ADAMTS17: variants seen among roughly 807,000 people sequenced by gnomAD.
ADAMTS17 encodes ADAM metallopeptidase with thrombospondin type 1 motif 17.
In ADAMTS17, 113 loss-of-function variants were observed where a neutral mutation model predicts 141.5. The observed-to-expected ratio is 0.80, with a 90% CI of 0.69 to 0.93. The LOEUF (loss-of-function observed/expected upper bound fraction) is 0.93. Among genes scored for constraint, ADAMTS17 ranks in the 40% least tolerant of loss-of-function variants. The probability of loss-of-function intolerance (pLI) is 0.00; values close to 1 mark genes in which losing one functional copy is unlikely to be tolerated. For synonymous variants in ADAMTS17, 768 were observed against 630.6 expected, an observed-to-expected ratio of 1.22 and a Z score of -3.27; for missense variants, 1,659 against 1,517.9, an observed-to-expected ratio of 1.09 and a Z score of -1.54.
At chr15:100,299,325 G>A (rs1026053891) in intron 3 of ADAMTS17, among the ~76,000 whole-genome samples, 3 of 151,490 alleles carry the variant, frequency 2.0e-5, no homozygotes, top group South Asian at 2.1e-4. Flanking sequence ...CAGGACAGTC[G>A]GGGGACTCGC....
chr15:100,141,850 C>T (rs2038670867), intron 10 of ADAMTS17, among the ~76,000 whole-genome samples: 1 of 152,232 alleles, frequency 6.6e-6, no homozygotes, highest in Non-Finnish European at 1.5e-5. Flanking sequence ...GCTGCAGATG[C>T]TGGGCAGGAA....
intron 3 of ADAMTS17, among the ~76,000 whole-genome samples, chr15:100,318,113 C>G (rs1253686600): frequency 6.6e-6 from 1 of 152,132 alleles, no homozygotes; most frequent in East Asian, 1.9e-4. Context: ...AGTGCATGAT[C>G]TGACTTTCAG....
chr15:100,003,365 C>T (rs575127841), intron 18 of ADAMTS17, among the ~76,000 whole-genome samples: 2 of 152,152 alleles, frequency 1.3e-5, no homozygotes, highest in East Asian at 1.9e-4. Flanking sequence ...GAGGTGAACA[C>T]GGGGCTGTGG....
intron 18 of ADAMTS17, among the ~76,000 whole-genome samples, chr15:100,011,285 GTAAA>G (rs2061164213): frequency 7.4e-6 from 1 of 135,374 alleles, no homozygotes; most frequent in Non-Finnish European, 1.6e-5. Context: ...AGGGAGGGAA[GTAAA>G]GGAGGAGGGA....
At chr15:99,983,726 CA>C (rs1043701133) in intron 20 of ADAMTS17, among the ~76,000 whole-genome samples, 5 of 152,262 alleles carry the variant, frequency 3.3e-5, no homozygotes, top group African/African-American at 9.6e-5. Context: ...GGGGTGAAAT[CA>C]TGCAAGGCTG....
At chr15:100,166,460 C>A (rs1167539143) in intron 8 of ADAMTS17, among the ~76,000 whole-genome samples, 1 of 152,180 alleles carries the variant, frequency 6.6e-6, no homozygotes, top group Non-Finnish European at 1.5e-5. Flanking sequence ...TTGCCCTGTT[C>A]CCATATCGAC....
chr15:100,321,315 G>T (rs2045726915), intron 3 of ADAMTS17, among the ~76,000 whole-genome samples: 1 of 151,994 alleles, frequency 6.6e-6, no homozygotes, highest in African/African-American at 2.4e-5. Flanking sequence ...CAAAGAAAAA[G>T]CATGGTATAG....
chr15:100,093,232 G>A (rs1288670004), intron 15 of ADAMTS17, among the ~76,000 whole-genome samples: 1 of 152,152 alleles, frequency 6.6e-6, no homozygotes, highest in East Asian at 1.9e-4. Flanking sequence ...GGCTCTGCTG[G>A]GCTGGACACT....
intron 8 of ADAMTS17, among the ~76,000 whole-genome samples, chr15:100,187,165 C>T (rs1261319899): frequency 1.3e-5 from 2 of 152,156 alleles, no homozygotes; most frequent in African/African-American, 4.8e-5. Context: ...TAAGGTGAGA[C>T]TTGCTGGGCC....
chr15:99,983,189 C>T (rs1431093848), intron 20 of ADAMTS17, among the ~76,000 whole-genome samples: 2 of 152,182 alleles, frequency 1.3e-5, no homozygotes, highest in Non-Finnish European at 2.9e-5. Flanking sequence ...CCACCACCTG[C>T]CTGTCTGCTG....
chr15:100,081,092 C>A (rs2034704326), intron 15 of ADAMTS17, among the ~76,000 whole-genome samples: 1 of 152,170 alleles, frequency 6.6e-6, no homozygotes, highest in African/African-American at 2.4e-5. Context: ...CTGGGGAAGG[C>A]AGATCCACCC....
chr15:100,324,479 T>C (rs1326037753), intron 3 of ADAMTS17, among the ~76,000 whole-genome samples: 1 of 152,162 alleles, frequency 6.6e-6, no homozygotes, highest in Non-Finnish European at 1.5e-5. Flanking sequence ...CTTTACTGCC[T>C]ATCTCCCCCA....
At position 100,133,312 on chromosome 15, in the gene ADAMTS17, G is replaced by C; in HGVS notation, c.1477C>G (p.Leu493Val). The change falls in exon 11 of 22, where the codon CTA (leucine) becomes GTA (valine). Residue 493 changes from leucine to valine, a missense_variant. Transcript: ENST00000268070. ...AGGCACCACAGTCCAGCACACATTA[G>C]ATGCTGCAGGACAAGGGAAGGAACC... ...NATFCRNMEH[L>V]MCAGLWCLVE... 2 of 1,580,842 alleles carry C rather than the reference G, an allele frequency of 1.3e-6. No individual in the cohort carries two copies. Among genetic ancestry groups the C allele is most frequent in the Non-Finnish European group, 1.7e-6 (2 of 1,160,432 alleles).
At chr15:100,067,356 C>T (rs1029048030) in intron 15 of ADAMTS17, among the ~76,000 whole-genome samples, 2 of 152,232 alleles carry the variant, frequency 1.3e-5, no homozygotes, top group African/African-American at 2.4e-5. Context: ...TTCTAAGTGT[C>T]GTTCCTTTCT....
At chr15:100,271,069 T>A (rs566204243) in intron 4 of ADAMTS17, among the ~76,000 whole-genome samples, 14 of 152,112 alleles carry the variant, frequency 9.2e-5, no homozygotes, top group Non-Finnish European at 2.1e-4. Context: ...ACAGCATGTG[T>A]CAGAATTGTT....
intron 9 of ADAMTS17, among the ~76,000 whole-genome samples, chr15:100,154,736 C>G (rs1328027729): frequency 4.6e-5 from 7 of 152,186 alleles, no homozygotes; most frequent in Admixed American, 2.0e-4. Context: ...CAGCCCTCCC[C>G]TCCCCAGAGG....
At chr15:100,119,043 T>TACACACACACACAC (rs60655404) in intron 12 of ADAMTS17, among the ~76,000 whole-genome samples, 8 of 148,702 alleles carry the variant, frequency 5.4e-5, no homozygotes, top group South Asian at 4.3e-4. Flanking sequence ...CATCTGGAGA[T>TACACACACACACAC]ACACACACAC....
In ADAMTS17 at chr15:100,238,382, C is replaced by G. The variant is rs577784611; in HGVS notation, c.1075+15754G>C. Among the ~76,000 whole-genome samples, 9 of 152,332 alleles carry G rather than the reference C, an allele frequency of 5.9e-5. No individual in the cohort carries two copies. The East Asian group carries it at 1.7e-3, about 29-fold the overall frequency. ...TCCCCTCCAGTAAAACATCACCCCA[C>G]AAGAGCAACGGCCTTTGTTTGGTGC... On this transcript the variant is annotated intron_variant, in intron 7 of 21. Transcript: ENST00000268070.
In ADAMTS17 at chr15:100,030,374, T is replaced by C. The variant is rs1164584708; in HGVS notation, c.2591+18483A>G. Among the ~76,000 whole-genome samples the C allele has an allele frequency of 3.9e-5, 6 of 152,204 alleles. No homozygotes were observed. The East Asian group carries it at 1.2e-3, about 29-fold the overall frequency. On this transcript the variant is annotated intron_variant, in intron 18 of 21. Coordinates refer to ENST00000268070, the MANE Select transcript of ADAMTS17 (RefSeq NM_139057.4). ...CATCAGGCTCCTTCCTTCAGTGGTA[T>C]TTAAACCCAAATACAGGTTAGCAGA... is the stretch of plus-strand genomic sequence containing the variant.
Sources: gnomAD v4.1 joint callset for allele counts (sites outside exome capture counted in the v4.1 genomes callset) on GRCh38, gnomAD v4.1.1 for gene constraint, MANE v1.5 for transcripts, NCBI Gene and HGNC (gene_info 2026-07-23, HGNC 2026-07-21) for gene names.